PCDHGA7: variants seen among roughly 807,000 people sequenced by gnomAD.
The protein encoded by PCDHGA7 is protocadherin gamma-A7.
Under a neutral mutation model 58.3 loss-of-function variants are expected in PCDHGA7, and 44 were observed. The observed-to-expected ratio is 0.75, with a 90% CI of 0.59 to 0.97. PCDHGA7 has a LOEUF of 0.97. Among genes scored for constraint, PCDHGA7 ranks in the 50% least tolerant of loss-of-function variants. The pLI is 0.00. For missense variants in PCDHGA7, 1,266 were observed against 1,188.7 expected (o/e 1.06, Z -0.96); for synonymous variants, 516 against 504.2 (o/e 1.02, Z -0.31).
At chr5:141,481,838 T>G (rs1297962011) in intron 1 of PCDHGA7, among the ~76,000 whole-genome samples, 2 of 150,868 alleles carry the variant, frequency 1.3e-5, no homozygotes, top group African/African-American at 4.9e-5. Flanking sequence ...GGAGAATCGC[T>G]TGATGGTGGA....
Position 141,477,426 on chromosome 5 carries a change from T to G in PCDHGA7, c.2425-17381T>G. 1 of 1,614,100 alleles carries G rather than the reference T, an allele frequency of 6.2e-7. No individual in the cohort carries two copies. Among genetic ancestry groups the G allele is most frequent in the East Asian group, 2.2e-5 (1 of 44,874 alleles). The stretch of plus-strand genomic sequence containing the variant: ...GCCCGAGACGCCGGAACCCCTTCCC[T>G]CTCAGCCCTTACAATAGTGCGTGTT... On this transcript the variant is annotated intron_variant, in intron 1 of 3. Coordinates refer to ENST00000518325, the MANE Select transcript of PCDHGA7 (RefSeq NM_018920.4). The surrounding 1 kb of genome is among the most constrained non-coding windows in gnomAD (Gnocchi z 4.9).
chr5:141,393,865 C>G lies in PCDHGA7; in HGVS notation c.2424+8542C>G, dbSNP rs770874961. The G allele has an allele frequency of 4.3e-6, 7 of 1,613,838 alleles. No individual in the cohort carries two copies. In the African/African-American group the frequency reaches 8.0e-5, roughly 18 times the overall value. ...AATAGACCAGAAGTGATCATTACGT[C>G]TTTGTTTAGCCCAGTGTTAGAAAAT... On this transcript the variant is annotated intron_variant, in intron 1 of 3. Transcript: ENST00000518325.
chr5:141,393,879 G>A, intron 1 of PCDHGA7: 1 of 1,614,010 alleles, frequency 6.2e-7, no homozygotes, highest in Non-Finnish European at 8.5e-7. Context: ...GTTTAGCCCA[G>A]TGTTAGAAAA....
At chr5:141,399,760 C>T in intron 1 of PCDHGA7, 3 of 1,613,342 alleles carry the variant, frequency 1.9e-6, no homozygotes, top group Non-Finnish European at 2.5e-6. Flanking sequence ...CGTGAGCCTG[C>T]GCGTGTTGGT....
intron 1 of PCDHGA7, among the ~76,000 whole-genome samples, chr5:141,463,024 A>G (rs2099051235): frequency 6.6e-6 from 1 of 152,070 alleles, no homozygotes; most frequent in South Asian, 2.1e-4. Context: ...GACTTTTTTG[A>G]TTAATCTGAG....
Position 141,432,608 on chromosome 5 carries a change from T to G in PCDHGA7, c.2424+47285T>G. ...GCTCAAGGCCAGCGAGCCGGGACTC[T>G]TCTCGGTGGGTCTGCACACGGGCGA... On this transcript the variant is annotated intron_variant, in intron 1 of 3. Transcript: ENST00000518325. This position sits in a 1 kb window ranked among gnomAD's most constrained non-coding sequence, Gnocchi z 6.0. The G allele has an allele frequency of 6.2e-7, 1 of 1,613,864 alleles. No individual in the cohort carries two copies. The highest frequency in any genetic ancestry group is 8.5e-7 in the Non-Finnish European group (1 of 1,179,964).
At chr5:141,510,431 G>A (rs912708135) in intron 3 of PCDHGA7, among the ~76,000 whole-genome samples, 9 of 152,132 alleles carry the variant, frequency 5.9e-5, no homozygotes, top group African/African-American at 1.9e-4. Flanking sequence ...TTTCATGGCT[G>A]CTGCCCTCCA....
rs1358954122 is a variant in PCDHGA7, at chr5:141,491,553, C to T, written c.2425-3254C>T. On this transcript the variant is annotated intron_variant, in intron 1 of 3. Coordinates refer to ENST00000518325, the MANE Select transcript of PCDHGA7 (RefSeq NM_018920.4). This position sits in a 1 kb window ranked among gnomAD's most constrained non-coding sequence, Gnocchi z 6.9. ...CGCTGCGGCCCACAGACTCGCAGAG[C>T]CACTGCTACAGGACGTGCTTTTCAC... The T allele has an allele frequency of 6.2e-7, 1 of 1,613,954 alleles. No homozygotes were observed.
rs768994533 is a variant in PCDHGA7 at position 141,486,589 on chromosome 5, C to G, written c.2425-8218C>G. On this transcript the variant is annotated intron_variant, in intron 1 of 3. Transcript: ENST00000518325. This position sits in a 1 kb window ranked among gnomAD's most constrained non-coding sequence, Gnocchi z 5.0. Reference sequence around the variant, plus strand: ...TTCCTGAGAACAATCGCCCAGGGGACCTGCTTTGCTCCCTTGCAGCCTCTG... The same window carrying G: ...TTCCTGAGAACAATCGCCCAGGGGAGCTGCTTTGCTCCCTTGCAGCCTCTG... 1 of 1,613,676 alleles carries G rather than the reference C, an allele frequency of 6.2e-7. No individual in the cohort carries two copies. Among genetic ancestry groups the G allele is most frequent in the Non-Finnish European group, 8.5e-7 (1 of 1,179,996 alleles).
intron 1 of PCDHGA7, among the ~76,000 whole-genome samples, chr5:141,481,103 C>G (rs190529217): frequency 2.6e-4 from 39 of 152,252 alleles, no homozygotes; most frequent in Non-Finnish European, 3.4e-4. Context: ...TACTCTGGAA[C>G]CTACCAATCC....
At chr5:141,451,050 G>A (rs915545429) in intron 1 of PCDHGA7, among the ~76,000 whole-genome samples, 6 of 151,352 alleles carry the variant, frequency 4.0e-5, no homozygotes, top group South Asian at 4.2e-4. Flanking sequence ...GGCTGGTCTC[G>A]AACTCCTGAC....
At chr5:141,421,619 C>T (rs778666303) in intron 1 of PCDHGA7, 2 of 1,613,694 alleles carry the variant, frequency 1.2e-6, no homozygotes, top group South Asian at 1.1e-5. Flanking sequence ...AATGATAACG[C>T]CCCCAGCTTC....
intron 1 of PCDHGA7, among the ~76,000 whole-genome samples, chr5:141,469,108 C>A (rs923728484): frequency 4.0e-5 from 6 of 151,768 alleles, no homozygotes; most frequent in Non-Finnish European, 5.9e-5. Context: ...AAGAACCTGT[C>A]TCTAAAAAAA....
rs1265360670 is a variant in PCDHGA7, at chr5:141,435,001, T to A, written c.2424+49678T>A. On this transcript the variant is annotated intron_variant, in intron 1 of 3. Transcript: ENST00000518325. ...TACTCTATATCATTTTCTAGCTGAATTTATCAATGATAATGCTCTTTTCCC... is the reference window on the plus strand; with the variant it reads ...TACTCTATATCATTTTCTAGCTGAAATTATCAATGATAATGCTCTTTTCCC... Among the ~76,000 whole-genome samples the A allele has an allele frequency of 3.9e-5, 6 of 152,120 alleles. No homozygotes were observed. In the East Asian group the frequency reaches 1.2e-3, roughly 29 times the overall value.
At position 141,384,102 on chromosome 5, in the gene PCDHGA7, T is replaced by C; in HGVS notation, c.1203T>C (p.Tyr401=). The change falls in exon 1 of 4, where the codon TAT becomes TAC. Residue 401 remains tyrosine, a synonymous_variant. Transcript: ENST00000518325. ...PFKLEKSIDN[Y]YRLVTTKNLD... is the part of the protein sequence containing the mutation. ...AATTAGAAAAATCAATAGATAATTA[T>C]TATAGATTGGTCACAACCAAAAACT... The C allele has an allele frequency of 6.3e-7, 1 of 1,599,484 alleles. No individual in the cohort carries two copies. Among genetic ancestry groups the C allele is most frequent in the Non-Finnish European group, 8.5e-7 (1 of 1,172,348 alleles).
intron 1 of PCDHGA7, chr5:141,484,853 G>T (rs747582810): frequency 2.5e-4 from 64 of 251,466 alleles, no homozygotes; most frequent in Non-Finnish European, 4.3e-4. Flanking sequence ...GGGTTTTTTG[G>T]GGGGTGGGGG....
intron 1 of PCDHGA7, chr5:141,398,829 C>T (rs1020690994): frequency 3.1e-6 from 5 of 1,613,876 alleles, no homozygotes; most frequent in African/African-American, 2.7e-5. Context: ...AGGTAACCGA[C>T]GCCAATGATA....
chr5:141,451,676 G>A (rs1363843426), intron 1 of PCDHGA7, among the ~76,000 whole-genome samples: 1 of 152,142 alleles, frequency 6.6e-6, no homozygotes, highest in African/African-American at 2.4e-5. Flanking sequence ...GAGCCCAGGA[G>A]TTCAAGACCA....
rs762783104 is a variant in PCDHGA7 at position 141,485,601 on chromosome 5, G to A, written c.2425-9206G>A. 4.3e-6 allele frequency: 7 copies of A among 1,612,290 alleles called. No homozygotes were observed. The highest frequency in any genetic ancestry group is 5.9e-6 in the Non-Finnish European group (7 of 1,178,722). On this transcript the variant is annotated intron_variant, in intron 1 of 3. Transcript: ENST00000518325. The surrounding 1 kb of genome is among the most constrained non-coding windows in gnomAD (Gnocchi z 5.7). ...CGGCAGCAGCTGGACTTGGAAATTG[G>A]GGAGGCAGCTCCTCCAGGACAGCGT...
Sources: allele counts gnomAD v4.1 joint callset (sites outside exome capture counted in the v4.1 genomes callset), GRCh38; gene constraint gnomAD v4.1.1; non-coding constraint Gnocchi (gnomAD v3.1); transcripts MANE v1.5; gene names NCBI Gene and HGNC (gene_info 2026-07-23, HGNC 2026-07-21).